Variants in CRPPA observed in about 807,000 individuals in gnomAD.
CRPPA encodes CDP-L-ribitol pyrophosphorylase A.
Under a neutral mutation model 52.0 loss-of-function variants are expected in CRPPA, and 43 were observed. That is an observed-to-expected ratio of 0.83 (90% CI 0.65 to 1.07). CRPPA has a LOEUF of 1.07. Ranked by LOEUF, CRPPA falls within the 50% of genes least tolerant of loss-of-function variation. The probability of loss-of-function intolerance (pLI) is 0.00; values close to 1 mark genes in which losing one functional copy is unlikely to be tolerated. For missense variants in CRPPA, 629 were observed against 551.7 expected (o/e 1.14, Z -1.40); for synonymous variants, 250 against 203.5 (o/e 1.23, Z -1.94).
chr7:16,324,912 C>G (rs1039840534), intron 3 of CRPPA, among the ~76,000 whole-genome samples: 1 of 152,182 alleles, frequency 6.6e-6, no homozygotes, highest in Non-Finnish European at 1.5e-5. Flanking sequence ...TCGCCCTGTC[C>G]TCATCCTTTT....
chr7:16,375,961 C>A, intron 3 of CRPPA, 131 bp downstream of exon 3: 2 of 842,990 alleles, frequency 2.4e-6, no homozygotes, highest in Non-Finnish European at 3.5e-6. Context: ...CTTAATACTT[C>A]ATTGTAATAA....
chr7:16,236,972 A>ACACAC (rs57453764), intron 8 of CRPPA, among the ~76,000 whole-genome samples: 1 of 151,826 alleles, frequency 6.6e-6, no homozygotes. Context: ...ACACACACAC[A>ACACAC]AACTTTTGAA....
At chr7:16,195,614 CT>C (rs1781713347) in intron 9 of CRPPA, among the ~76,000 whole-genome samples, 1 of 152,134 alleles carries the variant, frequency 6.6e-6, no homozygotes, top group Admixed American at 6.6e-5. Context: ...AATCAAGCAA[CT>C]TTAATACCTT....
chr7:16,088,188 G>A lies in CRPPA; in HGVS notation c.*3507C>T, dbSNP rs549547780. On this transcript the variant is annotated 3_prime_UTR_variant, in exon 10 of 10. Coordinates refer to ENST00000407010, the MANE Select transcript of CRPPA (RefSeq NM_001101426.4). ...TCACGCTATGATGAACTCCTAAGAC[G>A]ACTAACTTTAATTTGCATTTAACTA... 7 of 152,144 alleles carry A rather than the reference G, an allele frequency of 4.6e-5. No homozygotes were observed. The highest frequency in any genetic ancestry group is 1.9e-4 in the East Asian group (1 of 5,178). 9.4% of individuals were successfully genotyped at this position (152,144 alleles called of 1,614,324 possible). A position where few individuals can be genotyped will look rare whatever the true frequency, so the allele number is the denominator to read the frequency against.
chr7:16,298,244 G>C (rs1784714983), intron 5 of CRPPA, among the ~76,000 whole-genome samples: 1 of 152,092 alleles, frequency 6.6e-6, no homozygotes, highest in South Asian at 2.1e-4. Context: ...TACTGCAGTA[G>C]CTTCTAGAAG....
chr7:16,250,045 G>C (rs993348509), intron 8 of CRPPA, among the ~76,000 whole-genome samples: 1 of 152,104 alleles, frequency 6.6e-6, no homozygotes, highest in Non-Finnish European at 1.5e-5. Context: ...AAAAGACCTG[G>C]TACAGCTGAA....
Position 16,308,596 on chromosome 7 carries a change from T to A in CRPPA, c.716A>T (p.Glu239Val). 6.2e-7 allele frequency: 1 copy of A among 1,610,258 alleles called. No homozygotes were observed. Among genetic ancestry groups the A allele is most frequent in the Non-Finnish European group, 8.5e-7 (1 of 1,177,752 alleles). The stretch of plus-strand genomic sequence containing the variant: ...GTATTTTAGGGCCAATTGCAAACAC[T>A]CAGTTCCAAATTCCAAGTCATAGTC... ...CSDYDLEFGT[E>V]CLQLALKYCC... Residue 239 changes from glutamate (E) to valine (V), a missense_variant, in exon 4 of 10, where the codon GAG becomes GTG. Coordinates refer to ENST00000407010, the MANE Select transcript of CRPPA (RefSeq NM_001101426.4).
At chr7:16,193,824 A>C (rs1011259219) in intron 9 of CRPPA, among the ~76,000 whole-genome samples, 1 of 152,098 alleles carries the variant, frequency 6.6e-6, no homozygotes, top group African/African-American at 2.4e-5. Context: ...TATCCCCTGC[A>C]GTGTAAACAG....
chr7:16,328,650 G>C (rs1479897648), intron 3 of CRPPA, among the ~76,000 whole-genome samples: 1 of 152,090 alleles, frequency 6.6e-6, no homozygotes, highest in Non-Finnish European at 1.5e-5. Context: ...AAGTAGCTGG[G>C]ATTACAGGCA....
At chr7:16,195,134 G>A (rs552549605) in intron 9 of CRPPA, among the ~76,000 whole-genome samples, 1 of 152,104 alleles carries the variant, frequency 6.6e-6, no homozygotes, top group South Asian at 2.1e-4. Flanking sequence ...ACACAATGAT[G>A]CCTTGAAGCA....
chr7:16,154,932 C>T (rs569083213), intron 9 of CRPPA, among the ~76,000 whole-genome samples: 18 of 151,044 alleles, frequency 1.2e-4, no homozygotes, highest in African/African-American at 3.6e-4. Context: ...CTCACCCTCC[C>T]GAGTAGCTGG....
intron 2 of CRPPA, among the ~76,000 whole-genome samples, chr7:16,386,452 C>G (rs761919717): frequency 2.6e-5 from 4 of 152,156 alleles, no homozygotes; most frequent in Admixed American, 1.3e-4. Flanking sequence ...AGTTTCTAGG[C>G]TTGAGGATGG....
At position 16,108,903 on chromosome 7, in the gene CRPPA, C is replaced by T. The variant is rs913336127; in HGVS notation, c.1252-17104G>A. 9.9e-5 allele frequency among the ~76,000 whole-genome samples: 15 copies of T among 151,320 alleles called. 1 individual carries two copies. The highest frequency in any genetic ancestry group is 2.7e-4 in the African/African-American group (11 of 41,334). ...AAAGAAAAATTTGTTAAATATTTTGCGACAAATAGAAATGAGAACACAACA... is the reference window on the plus strand; with the variant it reads ...AAAGAAAAATTTGTTAAATATTTTGTGACAAATAGAAATGAGAACACAACA... On this transcript the variant is annotated intron_variant, in intron 9 of 9. Coordinates refer to ENST00000407010, the MANE Select transcript of CRPPA (RefSeq NM_001101426.4).
intron 2 of CRPPA, among the ~76,000 whole-genome samples, chr7:16,401,955 A>G (rs903800099): frequency 1.3e-5 from 2 of 152,214 alleles, no homozygotes; most frequent in African/African-American, 4.8e-5. Flanking sequence ...ACAACCTGAT[A>G]GTTAGCAATC....
At chr7:16,221,539 C>G (rs1300153329) in intron 8 of CRPPA, among the ~76,000 whole-genome samples, 2 of 152,078 alleles carry the variant, frequency 1.3e-5, no homozygotes, top group Non-Finnish European at 2.9e-5. Flanking sequence ...TTTTCACAAC[C>G]TACTCATCTG....
intron 2 of CRPPA, among the ~76,000 whole-genome samples, chr7:16,384,018 G>A (rs1787188537): frequency 6.6e-6 from 1 of 152,170 alleles, no homozygotes; most frequent in African/African-American, 2.4e-5. Context: ...TGCGCCCACT[G>A]TCTGGCACTC....
At position 16,387,076 on chromosome 7, in the gene CRPPA, T is replaced by TAC. The variant is rs1415862594; in HGVS notation, c.535-10836_535-10835insGT. 2.7e-3 allele frequency among the ~76,000 whole-genome samples: 176 copies of TAC among 65,664 alleles called. 6 individuals are homozygous for TAC. Among genetic ancestry groups the TAC allele is most frequent in the African/African-American group, 0.015 (173 of 11,432 alleles). 43.1% of individuals were successfully genotyped at this position (65,664 alleles called of 152,430 possible). A position where few individuals can be genotyped will look rare whatever the true frequency, so the allele number is the denominator to read the frequency against. ...ATATATATATATATATATATATATA[T>TAC]ATATATATATACACACATATATATA... On this transcript the variant is annotated intron_variant, in intron 2 of 9. Coordinates refer to ENST00000407010, the MANE Select transcript of CRPPA (RefSeq NM_001101426.4).
intron 9 of CRPPA, among the ~76,000 whole-genome samples, chr7:16,192,988 G>A (rs543571058): frequency 1.3e-5 from 2 of 152,144 alleles, no homozygotes; most frequent in East Asian, 1.9e-4. Flanking sequence ...GTTGGTATGA[G>A]TCACCTAATT....
chr7:16,416,416 G>C (rs7810822), intron 1 of CRPPA, among the ~76,000 whole-genome samples: 76,373 of 152,028 alleles, frequency 0.5, 21,076 homozygotes, highest in African/African-American at 0.74. Flanking sequence ...TATAAGAATC[G>C]TAGAAGAAAA....
Sources: allele counts gnomAD v4.1 joint callset (sites outside exome capture counted in the v4.1 genomes callset), GRCh38; gene constraint gnomAD v4.1.1; transcripts MANE v1.5; gene names NCBI Gene and HGNC (gene_info 2026-07-23, HGNC 2026-07-21).